The following CENPC variants were observed in gnomAD, a reference collection of about 807,000 sequenced individuals.
CENPC encodes CENP-C 1.
In CENPC, 63 loss-of-function variants were observed where a neutral mutation model predicts 112.1. That is an observed-to-expected ratio of 0.56 (90% CI 0.46 to 0.69). The LOEUF (loss-of-function observed/expected upper bound fraction) is 0.69, where lower values mean the gene tolerates loss of function less well. Among genes scored for constraint, CENPC ranks in the 30% least tolerant of loss-of-function variants. The pLI is 0.00. For synonymous variants in CENPC, 333 were observed against 367.6 expected, an observed-to-expected ratio of 0.91 and a Z score of 1.08; for missense variants, 1,000 against 1,103.8, an observed-to-expected ratio of 0.91 and a Z score of 1.33.
rs1055326466 is a variant in CENPC at position 67,545,058 on chromosome 4, C to CA, written c.18+279dup. ...CAAGACCCCGTCTCAAAAACAAAAA[C>CA]AAAAAAAAACCCAGCAGAAATCACA... On this transcript the variant is annotated intron_variant, in intron 1 of 18. Coordinates refer to ENST00000273853, the MANE Select transcript of CENPC (RefSeq NM_001812.4). Among the ~76,000 whole-genome samples, 43 of 150,610 alleles carry CA rather than the reference C, an allele frequency of 2.9e-4. No homozygotes were observed. The East Asian group carries it at 3.3e-3, about 12-fold the overall frequency.
rs182277799 is a variant in CENPC, at chr4:67,492,568, G to A, written c.2420-293C>T. On this transcript the variant is annotated intron_variant, in intron 15 of 18. Coordinates refer to ENST00000273853, the MANE Select transcript of CENPC (RefSeq NM_001812.4). Reference sequence around the variant, plus strand: ...TTGCATAATCTCTAAGTGAGATAGAGGTATATAAAACACTTTAGAAATGTC... The same window carrying A: ...TTGCATAATCTCTAAGTGAGATAGAAGTATATAAAACACTTTAGAAATGTC... Among the ~76,000 whole-genome samples, 24 of 152,152 alleles carry A rather than the reference G, an allele frequency of 1.6e-4. No homozygotes were observed. The East Asian group carries it at 4.3e-3, about 27-fold the overall frequency.
chr4:67,472,591 G>A lies in CENPC; in HGVS notation c.*14C>T. The A allele has an allele frequency of 6.8e-7, 1 of 1,476,700 alleles. No homozygotes were observed. The highest frequency in any genetic ancestry group is 8.9e-7 in the Non-Finnish European group (1 of 1,119,780). The allele number at this position is 1,476,700 out of a possible 1,614,324, so 91.5% of individuals were successfully genotyped here. On this transcript the variant is annotated 3_prime_UTR_variant, in exon 19 of 19. Coordinates refer to ENST00000273853, the MANE Select transcript of CENPC (RefSeq NM_001812.4). ...TACATATATACATACATATATTTAA[G>A]GTTGGTTGATCTTTCATCTTTTTAT...
intron 5 of CENPC, among the ~76,000 whole-genome samples, chr4:67,527,931 G>A (rs1726431807): frequency 6.6e-6 from 1 of 152,058 alleles, no homozygotes; most frequent in African/African-American, 2.4e-5. Context: ...ACTAATTTCA[G>A]TTAAAATCAT....
In CENPC at chr4:67,471,008, G is replaced by C. The variant is rs1167018153; in HGVS notation, c.*1597C>G. 1 of 152,220 alleles carries C rather than the reference G, an allele frequency of 6.6e-6. No homozygotes were observed. The highest frequency in any genetic ancestry group is 6.5e-5 in the Admixed American group (1 of 15,274). 9.4% of individuals were successfully genotyped at this position (152,220 alleles called of 1,614,324 possible). On this transcript the variant is annotated 3_prime_UTR_variant, in exon 19 of 19. Coordinates refer to ENST00000273853, the MANE Select transcript of CENPC (RefSeq NM_001812.4). ...ATGCATGCACAGGGGAGACTCAAGAGAGCATGGCAAATGTAAAAACCAAGG... is the reference window on the plus strand; with the variant it reads ...ATGCATGCACAGGGGAGACTCAAGACAGCATGGCAAATGTAAAAACCAAGG...
rs1221944251 is a variant in CENPC at position 67,470,490 on chromosome 4, T to C, written c.*2115A>G. 1 of 145,134 alleles carries C rather than the reference T, an allele frequency of 6.9e-6. No individual in the cohort carries two copies. The highest frequency in any genetic ancestry group is 1.5e-5 in the Non-Finnish European group (1 of 67,446). 9.0% of individuals were successfully genotyped at this position (145,134 alleles called of 1,614,324 possible). ...AGGAGGCTGACGCAGGAGAATTGCT[T>C]GAACCCGGGAGGTGGAGGTTGCAGT... On this transcript the variant is annotated 3_prime_UTR_variant, in exon 19 of 19. Coordinates refer to ENST00000273853, the MANE Select transcript of CENPC (RefSeq NM_001812.4).
At chr4:67,524,101 A>G (rs913048931) in intron 5 of CENPC, among the ~76,000 whole-genome samples, 1 of 152,022 alleles carries the variant, frequency 6.6e-6, no homozygotes. Context: ...AATACAGAAA[A>G]CTATTGCAGG....
At chr4:67,508,765 A>T (rs1725805735) in intron 10 of CENPC, 49 bp downstream of exon 10, 1 of 1,542,726 alleles carries the variant, frequency 6.5e-7, no homozygotes, top group Admixed American at 1.9e-5. Context: ...ACAAATTATT[A>T]AATGCTGAAC....
At chr4:67,509,816 C>T (rs2109799151) in intron 9 of CENPC, among the ~76,000 whole-genome samples, 1 of 152,230 alleles carries the variant, frequency 6.6e-6, no homozygotes, top group East Asian at 1.9e-4. Context: ...CCATTCCCTA[C>T]ACTGCTGCAA....
intron 12 of CENPC, among the ~76,000 whole-genome samples, chr4:67,503,323 A>T (rs558010916): frequency 6.6e-6 from 1 of 152,096 alleles, no homozygotes; most frequent in Non-Finnish European, 1.5e-5. Context: ...TTACCCAGAC[A>T]GCTGCACGGT....
chr4:67,521,405 C>T (rs990675183), intron 5 of CENPC, among the ~76,000 whole-genome samples: 1 of 152,018 alleles, frequency 6.6e-6, no homozygotes, highest in Non-Finnish European at 1.5e-5. Flanking sequence ...TAGCCATTAT[C>T]AGTAAGTAGT....
intron 12 of CENPC, among the ~76,000 whole-genome samples, chr4:67,495,752 A>G (rs957108219): frequency 6.6e-5 from 10 of 152,246 alleles, no homozygotes; most frequent in Non-Finnish European, 1.5e-4. Context: ...GATAATTAAT[A>G]TGCTATTTAT....
intron 17 of CENPC, among the ~76,000 whole-genome samples, chr4:67,482,881 C>T (rs190895306): frequency 6.6e-6 from 1 of 152,208 alleles, no homozygotes; most frequent in East Asian, 1.9e-4. Flanking sequence ...GGCTTTGTCT[C>T]CCCACCCAAA....
chr4:67,492,681 T>C (rs1725316959), intron 15 of CENPC, 188 bp downstream of exon 15: 11 of 973,996 alleles, frequency 1.1e-5, no homozygotes, highest in South Asian at 2.2e-5. Context: ...ATGCTATTAA[T>C]AATTTTTTAA....
rs763295028 is a variant in CENPC, at chr4:67,493,936, T to C, written c.2238A>G (p.Lys746=). The C allele has an allele frequency of 7.0e-5, 113 of 1,613,002 alleles. No individual in the cohort carries two copies. The highest frequency in any genetic ancestry group is 8.9e-5 in the Non-Finnish European group (105 of 1,179,560). The change falls in exon 14 of 19, where the codon AAA becomes AAG. Residue 746 remains lysine, a synonymous_variant. Transcript: ENST00000273853. Reference sequence around the variant, plus strand: ...GCTCTCCTCGCCAGTACTCCAAAGGTTTCAAACGTGTTCTCTTGGTCCTGC... The same window carrying C: ...GCTCTCCTCGCCAGTACTCCAAAGGCTTCAAACGTGTTCTCTTGGTCCTGC... ...NVRRTKRTRL[K]PLEYWRGERI...
Position 67,491,480 on chromosome 4 carries a change from TAGAGAGAGAGAGAGAG to T in CENPC, c.2515+684_2515+699del, listed in dbSNP as rs71219046. The stretch of plus-strand genomic sequence containing the variant: ...ATATATATATATATATATATATATA[TAGAGAGAGAGAGAGAG>T]AGAGAGAGAGAGAGAGAGAGAGAGA... On this transcript the variant is annotated intron_variant, in intron 16 of 18. Transcript: ENST00000273853. 5.9e-3 allele frequency among the ~76,000 whole-genome samples: 107 copies of T among 18,100 alleles called. 2 individuals are homozygous for T. The highest frequency in any genetic ancestry group is 0.017 in the African/African-American group (94 of 5,694). The allele number at this position is 18,100 out of a possible 152,430, so 11.9% of individuals were successfully genotyped here. A position where few individuals can be genotyped will look rare whatever the true frequency, so the allele number is the denominator to read the frequency against.
intron 17 of CENPC, among the ~76,000 whole-genome samples, chr4:67,482,984 C>G (rs558766994): frequency 6.6e-6 from 1 of 152,292 alleles, no homozygotes; most frequent in South Asian, 2.1e-4. Context: ...TACCCTCATG[C>G]TGTTCTCATG....
At chr4:67,518,098 T>C (rs1577995527) in intron 7 of CENPC, 58 bp downstream of exon 7, 7 of 931,014 alleles carry the variant, frequency 7.5e-6, no homozygotes, top group Non-Finnish European at 9.4e-6. Context: ...AATCCTTATA[T>C]ATGGTTCATA....
Position 67,471,281 on chromosome 4 carries a change from T to C in CENPC, c.*1324A>G, listed in dbSNP as rs1385879308. ...TCATATATAAGATAGATTCCACAAT[T>C]TGAGTCCAGTCAAAATGCTAAATTT... On this transcript the variant is annotated 3_prime_UTR_variant, in exon 19 of 19. Coordinates refer to ENST00000273853, the MANE Select transcript of CENPC (RefSeq NM_001812.4). The C allele has an allele frequency of 6.6e-6, 1 of 152,276 alleles. No homozygotes were observed. Among genetic ancestry groups the C allele is most frequent in the South Asian group, 2.1e-4 (1 of 4,822 alleles). The allele number at this position is 152,276 out of a possible 1,614,324, so 9.4% of individuals were successfully genotyped here.
chr4:67,477,657 C>A (rs1560417474), intron 17 of CENPC, among the ~76,000 whole-genome samples: 1 of 152,064 alleles, frequency 6.6e-6, no homozygotes, highest in Non-Finnish European at 1.5e-5. Context: ...CTTTAACACC[C>A]CCAAAAGATC....
Sources: allele counts gnomAD v4.1 joint callset (sites outside exome capture counted in the v4.1 genomes callset), GRCh38; gene constraint gnomAD v4.1.1; transcripts MANE v1.5; gene names NCBI Gene and HGNC (gene_info 2026-07-23, HGNC 2026-07-21).